Variants in TNNI3K observed in about 807,000 individuals in gnomAD.
TNNI3K encodes serine/threonine-protein kinase TNNI3K.
TNNI3K carries 140 observed loss-of-function variants against 114.5 expected under a neutral mutation model. That is an observed-to-expected ratio of 1.22 (90% confidence interval 1.07 to 1.41). The LOEUF is 1.41. TNNI3K is among the 40% of genes most tolerant of loss of function. TNNI3K has a pLI of 0.00. For missense variants in TNNI3K, 1,125 were observed against 1,007.6 expected, an observed-to-expected ratio of 1.12 and a Z score of -1.58; for synonymous variants, 347 against 347.5, an observed-to-expected ratio of 1.00 and a Z score of 0.02.
At position 74,414,861 on chromosome 1, in the gene TNNI3K, T is replaced by C. The variant is rs112500064; in HGVS notation, c.1773-21219T>C. ...AATTCCTGATTCATCTCTCTGTTTC[T>C]ATTCTGGCTCCTCCCAACCCTTTGT... On this transcript the variant is annotated intron_variant, in intron 17 of 24. Transcript: ENST00000326637. 8.7e-3 allele frequency among the ~76,000 whole-genome samples: 1,319 copies of C among 152,308 alleles called. 17 individuals carry two copies. The highest frequency in any genetic ancestry group is 0.03 in the African/African-American group (1,241 of 41,568).
intron 17 of TNNI3K, among the ~76,000 whole-genome samples, chr1:74,395,933 A>G (rs1215468745): frequency 6.6e-6 from 1 of 152,220 alleles, no homozygotes; most frequent in Non-Finnish European, 1.5e-5. Context: ...TCTTGGCCTA[A>G]GTTTGGCTCA....
At chr1:74,416,516 G>A in intron 17 of TNNI3K, 1 of 985,218 alleles carries the variant, frequency 1.0e-6, no homozygotes. Flanking sequence ...CAGTGGGAAG[G>A]TGGCTTACAT....
At chr1:74,318,125 C>T (rs1240293699) in intron 5 of TNNI3K, among the ~76,000 whole-genome samples, 3 of 152,164 alleles carry the variant, frequency 2.0e-5, no homozygotes, top group South Asian at 2.1e-4. Context: ...TTGTTCTCAT[C>T]GCCTAGGAAC....
At chr1:74,487,166 A>T (rs553663257) in intron 21 of TNNI3K, among the ~76,000 whole-genome samples, 10 of 152,294 alleles carry the variant, frequency 6.6e-5, no homozygotes, top group African/African-American at 2.4e-4. Flanking sequence ...GTATGTCTGT[A>T]TGCTGGTGGA....
chr1:74,282,207 C>A (rs1460781629), intron 5 of TNNI3K, among the ~76,000 whole-genome samples: 20 of 152,006 alleles, frequency 1.3e-4, no homozygotes, highest in Non-Finnish European at 5.9e-5. Flanking sequence ...AGATGCCAGA[C>A]ATGTGCACAC....
At chr1:74,493,706 A>G (rs1395331229) in intron 23 of TNNI3K, among the ~76,000 whole-genome samples, 5 of 152,142 alleles carry the variant, frequency 3.3e-5, no homozygotes, top group Non-Finnish European at 7.3e-5. Context: ...TGGGTCTATC[A>G]ACCTCCTTGG....
intron 11 of TNNI3K, among the ~76,000 whole-genome samples, chr1:74,357,048 T>A (rs911500647): frequency 3.3e-5 from 5 of 152,186 alleles, no homozygotes; most frequent in Admixed American, 3.3e-4. Context: ...CAGGGAGAAC[T>A]GAAGTGGCCT....
At chr1:74,499,967 C>A (rs1414310067) in intron 23 of TNNI3K, among the ~76,000 whole-genome samples, 1 of 151,980 alleles carries the variant, frequency 6.6e-6, no homozygotes, top group Admixed American at 6.6e-5. Flanking sequence ...CTCACCCTAT[C>A]TTTCTATCTT....
chr1:74,235,764 A>G (rs1349006038), intron 1 of TNNI3K, among the ~76,000 whole-genome samples: 1 of 151,506 alleles, frequency 6.6e-6, no homozygotes, highest in Non-Finnish European at 1.5e-5. Context: ...TAGGGATTTT[A>G]GAATTATATC....
chr1:74,464,711 T>C, intron 21 of TNNI3K: 1 of 1,589,884 alleles, frequency 6.3e-7, no homozygotes, highest in South Asian at 1.2e-5. Context: ...GAAGATCGTT[T>C]TGGGATGTGG....
At chr1:74,511,915 T>C (rs1194344188) in intron 23 of TNNI3K, among the ~76,000 whole-genome samples, 1 of 152,144 alleles carries the variant, frequency 6.6e-6, no homozygotes, top group African/African-American at 2.4e-5. Context: ...TGAGTGTGGG[T>C]AGAGCAGAAG....
chr1:74,308,876 CTG>C (rs1658809753), intron 5 of TNNI3K, among the ~76,000 whole-genome samples: 1 of 152,152 alleles, frequency 6.6e-6, no homozygotes, highest in African/African-American at 2.4e-5. Flanking sequence ...ATAAATATCT[CTG>C]TGTACACAAA....
intron 22 of TNNI3K, among the ~76,000 whole-genome samples, chr1:74,490,292 G>T (rs892015276): frequency 1.3e-5 from 2 of 152,122 alleles, no homozygotes; most frequent in African/African-American, 4.8e-5. Flanking sequence ...ATATTTGGTG[G>T]GGCTTCAGCA....
At chr1:74,286,442 A>C (rs1166613604) in intron 5 of TNNI3K, among the ~76,000 whole-genome samples, 1 of 152,120 alleles carries the variant, frequency 6.6e-6, no homozygotes, top group Non-Finnish European at 1.5e-5. Flanking sequence ...CCCATAAGTC[A>C]GGCTGCAGGC....
intron 23 of TNNI3K, among the ~76,000 whole-genome samples, chr1:74,530,425 G>A (rs933361368): frequency 2.6e-5 from 4 of 152,158 alleles, no homozygotes; most frequent in African/African-American, 9.7e-5. Flanking sequence ...TGAGTTGTTA[G>A]GTGGGGCAAA....
At chr1:74,388,147 G>A (rs183232449) in intron 17 of TNNI3K, among the ~76,000 whole-genome samples, 37 of 152,076 alleles carry the variant, frequency 2.4e-4, no homozygotes, top group South Asian at 6.3e-4. Context: ...GTGTGGTGGC[G>A]CGTGCCTGTA....
intron 12 of TNNI3K, 120 bp from the exon 13 acceptor site, chr1:74,367,788 T>G (rs1662351379): frequency 2.3e-6 from 2 of 881,260 alleles, no homozygotes; most frequent in South Asian, 3.5e-5. Context: ...CAGAGAAAGA[T>G]TTGGGCCTGA....
intron 17 of TNNI3K, among the ~76,000 whole-genome samples, chr1:74,409,608 C>T (rs1397428244): frequency 1.3e-5 from 2 of 151,038 alleles, no homozygotes; most frequent in Non-Finnish European, 1.5e-5. Context: ...ATTCTCCTGC[C>T]TCAACCTCCC....
chr1:74,394,955 A>T (rs1354026932), intron 17 of TNNI3K, among the ~76,000 whole-genome samples: 1 of 151,932 alleles, frequency 6.6e-6, no homozygotes, highest in African/African-American at 2.4e-5. Context: ...GAGGCAGGAG[A>T]ATAGCGTGAA....
Sources: allele counts gnomAD v4.1 joint callset (sites outside exome capture counted in the v4.1 genomes callset), GRCh38; gene constraint gnomAD v4.1.1; transcripts MANE v1.5; gene names NCBI Gene and HGNC (gene_info 2026-07-23, HGNC 2026-07-21).